EML2: variants seen among roughly 807,000 people sequenced by gnomAD.
EML2 encodes the protein echinoderm microtubule-associated protein-like 2.
A neutral mutation model predicts 84.7 loss-of-function variants in EML2; 59 were observed. That is an observed-to-expected ratio of 0.70 (90% CI 0.56 to 0.86). The LOEUF is 0.86. Ranked by LOEUF, EML2 falls within the 40% of genes least tolerant of loss-of-function variation. The probability of loss-of-function intolerance (pLI) is 0.00; values close to 1 mark genes in which losing one functional copy is unlikely to be tolerated. For synonymous variants in EML2, 352 were observed against 348.9 expected, an observed-to-expected ratio of 1.01 and a Z score of -0.10; for missense variants, 818 against 855.6, an observed-to-expected ratio of 0.96 and a Z score of 0.55.
At chr19:45,617,243 C>G (rs374076444) in intron 13 of EML2, among the ~76,000 whole-genome samples, 88 of 150,716 alleles carry the variant, frequency 5.8e-4, no homozygotes, top group Middle Eastern at 3.4e-3. Context: ...AAGACTCTGT[C>G]CCCCCAAAAA....
intron 7 of EML2, among the ~76,000 whole-genome samples, chr19:45,627,300 G>C (rs989547705): frequency 2.9e-5 from 4 of 136,564 alleles, no homozygotes; most frequent in African/African-American, 1.1e-4. Flanking sequence ...CTGTTGCCCA[G>C]GCTGGAGTGC....
At chr19:45,643,506 C>T (rs1030922281), upstream of EML2, 14 of 1,531,466 alleles carry the variant, frequency 9.1e-6, no homozygotes, top group East Asian at 2.4e-5. Flanking sequence ...CCCAACCCCG[C>T]TCATTTTCCC....
At chr19:45,643,609 G>T, upstream of EML2, 1 of 1,536,140 alleles carries the variant, frequency 6.5e-7, no homozygotes, top group East Asian at 2.4e-5. Context: ...AACCAAGGAA[G>T]CCCTGGTTCC....
In EML2 at chr19:45,639,007, C is replaced by G. The variant is rs748771834; in HGVS notation, c.21-134G>C. The G allele has an allele frequency of 4.8e-6, 5 of 1,050,288 alleles. No individual in the cohort carries two copies. In the South Asian group the frequency reaches 6.3e-5, roughly 13 times the overall value. 65.1% of individuals were successfully genotyped at this position (1,050,288 alleles called of 1,614,324 possible). ...GGGCCGAGTAAGGGGCAGAGCGCTG[C>G]CTCTCTGCAGGCCGTGTGCTTTGCT... On this transcript the variant is annotated intron_variant, in intron 1 of 18. Transcript: ENST00000245925.
At chr19:45,642,679 G>A (rs1974666651), upstream of EML2, 2 of 393,462 alleles carry the variant, frequency 5.1e-6, no homozygotes, top group Non-Finnish European at 7.5e-6. Flanking sequence ...TGACTAAGAC[G>A]TGACCAGGCG....
At chr19:45,637,206 C>A (rs534182796) in intron 3 of EML2, among the ~76,000 whole-genome samples, 1 of 152,196 alleles carries the variant, frequency 6.6e-6, no homozygotes, top group Non-Finnish European at 1.5e-5. Flanking sequence ...AACCAAGGCC[C>A]AGAGAGAAGC....
At chr19:45,638,726 G>A in intron 2 of EML2, 92 bp from the exon 3 acceptor site, 2 of 1,584,436 alleles carry the variant, frequency 1.3e-6, no homozygotes, top group African/African-American at 1.4e-5. Context: ...TTTTTTAAAG[G>A]CAGGGAAACT....
chr19:45,617,622 A>T lies in EML2; in HGVS notation c.1322+8T>A, dbSNP rs762121970. ...GAAGGCCTCCCGAAATGCTCTCCTC[A>T]GCTTTACCTGCCAGTCACTGTACCC... On this transcript the variant is annotated splice_region_variant and intron_variant, in intron 13 of 18. Coordinates refer to ENST00000245925, the MANE Select transcript of EML2 (RefSeq NM_012155.4). 11 of 1,612,798 alleles carry T rather than the reference A, an allele frequency of 6.8e-6. No individual in the cohort carries two copies. The highest frequency in any genetic ancestry group is 9.3e-6 in the Non-Finnish European group (11 of 1,179,434).
chr19:45,629,968 T>C lies in EML2; in HGVS notation c.589A>G (p.Lys197Glu). The C allele has an allele frequency of 6.2e-7, 1 of 1,613,380 alleles. No homozygotes were observed. The highest frequency in any genetic ancestry group is 8.5e-7 in the Non-Finnish European group (1 of 1,179,580). ...CACCTCACCTTGACATCCACCACCT[T>C]GGTCTCCTTGGCCCAGTCCCACACC... ...LSVWDWAKET[K>E]VVDVKCSNEA... Residue 197 changes from lysine (K) to glutamate (E), a missense_variant, in exon 7 of 19, where the codon AAG becomes GAG. Coordinates refer to ENST00000245925, the MANE Select transcript of EML2 (RefSeq NM_012155.4).
At chr19:45,642,500 A>G (rs1049547295), upstream of EML2, 69 of 1,428,918 alleles carry the variant, frequency 4.8e-5, no homozygotes, top group Non-Finnish European at 5.8e-5. Flanking sequence ...GACATGAGCC[A>G]AGGAAGAGGA....
rs777873246 is a variant in EML2 at position 45,616,461 on chromosome 19, C to T, written c.1509G>A (p.Ser503=). 3.2e-6 allele frequency: 5 copies of T among 1,584,256 alleles called. No individual in the cohort carries two copies. The highest frequency in any genetic ancestry group is 1.7e-4 in the Middle Eastern group (1 of 5,964). Reference sequence around the variant, plus strand: ...GGGCTGGGGGCCACTGCCCACTCACCGAGCACTTGCCCAGGCGGCTGACCT... The same window carrying T: ...GGGCTGGGGGCCACTGCCCACTCACTGAGCACTTGCCCAGGCGGCTGACCT... ...GRKVSRLGKC[S]GHSSFITHLD... Residue 503 remains serine, a splice_region_variant and synonymous_variant, in exon 15 of 19, where the codon TCG becomes TCA. Coordinates refer to ENST00000245925, the MANE Select transcript of EML2 (RefSeq NM_012155.4).
chr19:45,620,974 G>T (rs755158045), intron 11 of EML2: 4 of 649,928 alleles, frequency 6.2e-6, no homozygotes, highest in South Asian at 6.0e-5. Context: ...CCCCCAATCA[G>T]AGTGGCAGGA....
At chr19:45,612,503 A>G (rs913959792) in intron 18 of EML2, among the ~76,000 whole-genome samples, 1 of 152,152 alleles carries the variant, frequency 6.6e-6, no homozygotes, top group Non-Finnish European at 1.5e-5. Context: ...CAGAGAACCT[A>G]TCTCTATGAA....
intron 9 of EML2, among the ~76,000 whole-genome samples, chr19:45,623,293 A>T (rs754008184): frequency 2.6e-5 from 4 of 151,978 alleles, no homozygotes; most frequent in Admixed American, 1.3e-4. Flanking sequence ...CAGGAGGCAG[A>T]GCTTGCAGTG....
intron 6 of EML2, 101 bp from the exon 7 acceptor site, chr19:45,630,147 A>C: frequency 2.4e-6 from 2 of 829,020 alleles, no homozygotes; most frequent in Non-Finnish European, 4.0e-6. Context: ...CTGTTTTAAA[A>C]CCTTCAGGCT....
At chr19:45,641,993 G>A, upstream of EML2, 2 of 1,447,076 alleles carry the variant, frequency 1.4e-6, no homozygotes, top group East Asian at 5.0e-5. Flanking sequence ...CGGGGGTCCC[G>A]AGCCATTAAG....
At chr19:45,627,408 C>T (rs188896807) in intron 7 of EML2, among the ~76,000 whole-genome samples, 1 of 152,114 alleles carries the variant, frequency 6.6e-6, no homozygotes, top group East Asian at 1.9e-4. Flanking sequence ...GGACGTGCCA[C>T]CACACCTGGC....
rs1247262548 is a variant in EML2 at position 45,609,703 on chromosome 19, CCT to C, written c.1908_1909del (p.Gly638GlnfsTer35). The C allele has an allele frequency of 6.2e-7, 1 of 1,613,362 alleles. No homozygotes were observed. The highest frequency in any genetic ancestry group is 1.7e-5 in the Admixed American group (1 of 59,818). ...CTGTAGCACACTGGTGTCCTTGCCC[CCT>C]GTGGTCAGGGCCATGCTGTCATCCC... On this transcript the variant is annotated frameshift_variant, in exon 19 of 19. Coordinates refer to ENST00000245925, the MANE Select transcript of EML2 (RefSeq NM_012155.4). LOFTEE classifies it high-confidence loss of function.
At chr19:45,630,448 G>A (rs942086580) in intron 6 of EML2, among the ~76,000 whole-genome samples, 10 of 151,396 alleles carry the variant, frequency 6.6e-5, no homozygotes, top group Non-Finnish European at 1.0e-4. Flanking sequence ...AGCTACTCGG[G>A]AGGCTGAGGC....
Sources: allele counts gnomAD v4.1 joint callset (sites outside exome capture counted in the v4.1 genomes callset), GRCh38; gene constraint gnomAD v4.1.1; transcripts MANE v1.5; gene names NCBI Gene and HGNC (gene_info 2026-07-23, HGNC 2026-07-21).